Variants in MTA3 observed in about 807,000 individuals in gnomAD.
MTA3 encodes the protein metastasis-associated protein MTA3.
Under a neutral mutation model 83.5 loss-of-function variants are expected in MTA3, and 34 were observed. The observed-to-expected ratio is 0.41, with a 90% CI of 0.31 to 0.54. MTA3 has a LOEUF of 0.54. MTA3 is among the 20% of genes least tolerant of loss of function. The probability of loss-of-function intolerance (pLI) is 0.33; values close to 1 mark genes in which losing one functional copy is unlikely to be tolerated. For missense variants in MTA3, 761 were observed against 726.4 expected (o/e 1.05, Z -0.55); for synonymous variants, 303 against 252.7 (o/e 1.20, Z -1.89).
At chr2:42,604,010 A>C (rs1361679635) in intron 3 of MTA3, among the ~76,000 whole-genome samples, 4 of 152,126 alleles carry the variant, frequency 2.6e-5, no homozygotes, top group Non-Finnish European at 5.9e-5. Flanking sequence ...CGGTCTCCCA[A>C]CGTGCTGGGA....
chr2:42,645,272 C>T (rs1012040616), intron 6 of MTA3, among the ~76,000 whole-genome samples: 17 of 151,406 alleles, frequency 1.1e-4, no homozygotes, highest in African/African-American at 4.1e-4. Context: ...TGCCTTTAAT[C>T]CCAGCACTTT....
intron 2 of MTA3, among the ~76,000 whole-genome samples, chr2:42,526,596 T>A (rs538931063): frequency 2.0e-5 from 3 of 152,290 alleles, no homozygotes; most frequent in Non-Finnish European, 4.4e-5. Context: ...GATCCCCTAT[T>A]TTGGGACCAT....
chr2:42,636,917 G>A (rs140582367), intron 4 of MTA3, among the ~76,000 whole-genome samples: 73 of 152,160 alleles, frequency 4.8e-4, no homozygotes, highest in African/African-American at 1.6e-3. Context: ...GAGCCACTGC[G>A]CCTGGCCCTC....
chr2:42,618,295 T>G (rs1196269454), intron 4 of MTA3, among the ~76,000 whole-genome samples: 1 of 152,148 alleles, frequency 6.6e-6, no homozygotes, highest in Non-Finnish European at 1.5e-5. Context: ...TTAAGTGTCA[T>G]TATCATTTGA....
At chr2:42,531,370 G>C (rs1675956649) in intron 2 of MTA3, among the ~76,000 whole-genome samples, 1 of 146,916 alleles carries the variant, frequency 6.8e-6, no homozygotes, top group South Asian at 2.3e-4. Context: ...TTCCAAACTA[G>C]TATGTAACTA....
chr2:42,513,409 C>T (rs1222194499), intron 2 of MTA3, among the ~76,000 whole-genome samples: 6 of 152,162 alleles, frequency 3.9e-5, no homozygotes, highest in Non-Finnish European at 8.8e-5. Flanking sequence ...AAACAAAACA[C>T]TTCCAGAGAG....
intron 3 of MTA3, among the ~76,000 whole-genome samples, chr2:42,601,933 G>C (rs915804438): frequency 6.7e-6 from 1 of 150,342 alleles, no homozygotes; most frequent in Non-Finnish European, 1.5e-5. Context: ...TCCACCTCTC[G>C]GATTCAAGGA....
rs774097812 is a variant in MTA3, at chr2:42,699,787, A to G, written c.1025+1953A>G. ...GTTGTTCAATATGCTGTCACCAAAT[A>G]CTGGATGTATTGGTCTTAAACTCAG... is the stretch of plus-strand genomic sequence containing the variant. On this transcript the variant is annotated intron_variant, in intron 11 of 16. Coordinates refer to ENST00000405094, the MANE Select transcript of MTA3 (RefSeq NM_001330442.2). Among the ~76,000 whole-genome samples the G allele has an allele frequency of 5.3e-5, 8 of 152,134 alleles. No individual in the cohort carries two copies. The South Asian group carries it at 1.4e-3, about 28-fold the overall frequency.
chr2:42,560,551 T>TAA (rs562992500), intron 2 of MTA3, among the ~76,000 whole-genome samples: 1 of 128,104 alleles, frequency 7.8e-6, no homozygotes, highest in Non-Finnish European at 1.7e-5. Flanking sequence ...GACTCCATCT[T>TAA]AAAAAAAAAA....
At chr2:42,507,073 T>G (rs1228962599) in intron 2 of MTA3, among the ~76,000 whole-genome samples, 2 of 152,160 alleles carry the variant, frequency 1.3e-5, no homozygotes, top group Non-Finnish European at 2.9e-5. Context: ...GCTAATTTTT[T>G]AATTTTTTGT....
In MTA3 at chr2:42,755,286, CTGCAGAT is replaced by C; in HGVS notation, c.*1889_*1895del. On this transcript the variant is annotated 3_prime_UTR_variant, in exon 17 of 17. Coordinates refer to ENST00000405094, the MANE Select transcript of MTA3 (RefSeq NM_001330442.2). Reference sequence around the variant, plus strand: ...TCTCTGAACCCCTACTAAGTGGTGACTGCAGATTCTGGAAACAATTAGCTGCCCGTGA... The same window carrying C: ...TCTCTGAACCCCTACTAAGTGGTGACTCTGGAAACAATTAGCTGCCCGTGA... The C allele has an allele frequency of 1.0e-6, 1 of 985,464 alleles. No homozygotes were observed. The highest frequency in any genetic ancestry group is 1.2e-6 in the Non-Finnish European group (1 of 829,960). 61.0% of individuals were successfully genotyped at this position (985,464 alleles called of 1,614,324 possible). A position where few individuals can be genotyped will look rare whatever the true frequency, so the allele number is the denominator to read the frequency against.
chr2:42,509,850 G>T (rs1307028469), intron 2 of MTA3, among the ~76,000 whole-genome samples: 1 of 152,152 alleles, frequency 6.6e-6, no homozygotes, highest in East Asian at 1.9e-4. Context: ...TGTTCTCTGA[G>T]TGCTGAACTG....
intron 16 of MTA3, among the ~76,000 whole-genome samples, chr2:42,744,318 G>T (rs1669249517): frequency 6.6e-6 from 1 of 152,170 alleles, no homozygotes; most frequent in African/African-American, 2.4e-5. Flanking sequence ...GACCATTCCT[G>T]GGTTTACTAA....
intron 8 of MTA3, among the ~76,000 whole-genome samples, chr2:42,675,793 T>A (rs576761102): frequency 4.7e-4 from 71 of 152,374 alleles, no homozygotes; most frequent in African/African-American, 1.5e-3. Flanking sequence ...CTACTGGATT[T>A]TGTCTCTTCT....
intron 2 of MTA3, among the ~76,000 whole-genome samples, chr2:42,506,016 C>T (rs1032465144): frequency 5.9e-5 from 9 of 152,014 alleles, no homozygotes; most frequent in African/African-American, 1.4e-4. Context: ...CTGCCCGCCC[C>T]GGCCTCCCAA....
chr2:42,677,200 ACCCAAATCTCAT>A (rs1691440098), intron 8 of MTA3, among the ~76,000 whole-genome samples: 1 of 152,134 alleles, frequency 6.6e-6, no homozygotes, highest in Non-Finnish European at 1.5e-5. Flanking sequence ...CTGTGTCCCC[ACCCAAATCTCAT>A]CCTGTAACTC....
At chr2:42,584,422 C>A (rs576020175) in intron 3 of MTA3, among the ~76,000 whole-genome samples, 1 of 152,308 alleles carries the variant, frequency 6.6e-6, no homozygotes, top group South Asian at 2.1e-4. Context: ...ACTCTCCATG[C>A]CATTTACTCA....
intron 8 of MTA3, among the ~76,000 whole-genome samples, chr2:42,671,005 A>G (rs548926002): frequency 6.6e-6 from 1 of 152,070 alleles, no homozygotes; most frequent in Admixed American, 6.5e-5. Flanking sequence ...TTCTGGCCCA[A>G]GATTTCCTTG....
intron 11 of MTA3, 63 bp downstream of exon 11, chr2:42,697,897 T>A: frequency 8.3e-7 from 1 of 1,209,146 alleles, no homozygotes; most frequent in Non-Finnish European, 1.1e-6. Context: ...GCAGAATATG[T>A]CATTTTGTTC....
Sources: allele counts gnomAD v4.1 joint callset (sites outside exome capture counted in the v4.1 genomes callset), GRCh38; gene constraint gnomAD v4.1.1; transcripts MANE v1.5; gene names NCBI Gene and HGNC (gene_info 2026-07-23, HGNC 2026-07-21).